Variants in MORF4L1 observed in about 807,000 individuals in gnomAD.
MORF4L1 encodes mortality factor 4-like protein 1.
In MORF4L1, 4 loss-of-function variants were observed where a neutral mutation model predicts 52.9. The observed-to-expected ratio is 0.08, with a 90% confidence interval of 0.04 to 0.17. The LOEUF is 0.17. MORF4L1 is among the 10% of genes least tolerant of loss of function. The pLI is 1.00. For missense variants in MORF4L1, 214 were observed against 390.4 expected, an observed-to-expected ratio of 0.55 and a Z score of 3.81; for synonymous variants, 123 against 134.8, an observed-to-expected ratio of 0.91 and a Z score of 0.61.
intron 8 of MORF4L1, 53 bp downstream of exon 8, chr15:78,892,366 C>G (rs1555440669): frequency 8.2e-6 from 11 of 1,336,654 alleles, no homozygotes; most frequent in African/African-American, 1.5e-5. Flanking sequence ...TTCTTGCTAG[C>G]AAAAAAAGTT....
At chr15:78,890,869 TACC>T in intron 5 of MORF4L1, 117 bp from the exon 6 acceptor site, 2 of 977,162 alleles carry the variant, frequency 2.0e-6, no homozygotes, top group Non-Finnish European at 2.8e-6. Context: ...GACACATATT[TACC>T]ACCTGATCCT....
At chr15:78,884,984 G>T in intron 3 of MORF4L1, 2 of 1,613,974 alleles carry the variant, frequency 1.2e-6, no homozygotes, top group Non-Finnish European at 1.7e-6. Flanking sequence ...GTGAGGCCCA[G>T]GCGCTCTGAA....
At chr15:78,891,780 T>G in intron 7 of MORF4L1, 1 of 526,384 alleles carries the variant, frequency 1.9e-6, no homozygotes, top group Non-Finnish European at 3.4e-6. Flanking sequence ...ATTGATCATT[T>G]GTTGTGTAAG....
intron 5 of MORF4L1, 26 bp from the exon 6 acceptor site, chr15:78,890,962 AT>A: frequency 1.4e-6 from 2 of 1,433,522 alleles, no homozygotes; most frequent in Non-Finnish European, 9.3e-7. Context: ...GGAAATAATT[AT>A]TTTTCTTTTT....
chr15:78,894,770 A>G, intron 10 of MORF4L1, 50 bp from the exon 11 acceptor site: 1 of 1,327,160 alleles, frequency 7.5e-7, no homozygotes. Context: ...ACATGGTTGT[A>G]GTGCCCCTGC....
chr15:78,873,150 G>C (rs751770539), intron 1 of MORF4L1, 93 bp downstream of exon 1: 14 of 1,541,580 alleles, frequency 9.1e-6, no homozygotes, highest in African/African-American at 1.4e-5. Flanking sequence ...GGGGCGGCGC[G>C]GGCTGCGCCC....
intron 11 of MORF4L1, 98 bp from the exon 12 acceptor site, chr15:78,896,885 A>G (rs574632676): frequency 4.1e-5 from 35 of 850,756 alleles, no homozygotes; most frequent in South Asian, 4.1e-4. Context: ...GTATTTTAGG[A>G]AAGTGTTTTC....
In MORF4L1 at chr15:78,880,535, C is replaced by G; in HGVS notation, c.111C>G (p.Asp37Glu). 1.9e-6 allele frequency: 3 copies of G among 1,599,834 alleles called. No homozygotes were observed. Among genetic ancestry groups the G allele is most frequent in the Non-Finnish European group, 2.6e-6 (3 of 1,173,826 alleles). ...AGTGTGTAAAGGTTGCCATAAAGGA[C>G]AAACAAGTGAAATACTTCATACATT... ...EAKCVKVAIK[D>E]KQVKYFIHYS... is the part of the protein sequence containing the mutation. Residue 37 changes from aspartate (D) to glutamate (E), a missense_variant, in exon 3 of 12, where the codon GAC (aspartate) becomes GAG (glutamate). By Grantham distance (45) the Asp-to-Glu change is conservative (BLOSUM62 2). Coordinates refer to ENST00000426013, the MANE Select transcript of MORF4L1 (RefSeq NM_006791.4).
At chr15:78,883,074 G>T (rs2141467138) in intron 3 of MORF4L1, among the ~76,000 whole-genome samples, 1 of 152,150 alleles carries the variant, frequency 6.6e-6, no homozygotes, top group Admixed American at 6.6e-5. Flanking sequence ...AATTAGCCAG[G>T]TGTGGTGGCA....
Position 78,893,914 on chromosome 15 carries a change from C to T in MORF4L1, c.630-144C>T, listed in dbSNP as rs898949920. The T allele has an allele frequency of 1.2e-5, 9 of 749,716 alleles. No individual in the cohort carries two copies. In the Admixed American group the frequency reaches 1.2e-4, roughly 10 times the overall value. 46.4% of individuals were successfully genotyped at this position (749,716 alleles called of 1,614,324 possible). On this transcript the variant is annotated intron_variant, in intron 9 of 11. Coordinates refer to ENST00000426013, the MANE Select transcript of MORF4L1 (RefSeq NM_006791.4). ...TCTTAATTGCTTTAGTTTGTCAAACCCTGCTTTCATATGCCCTTTAAAAAA... is the reference window on the plus strand; with the variant it reads ...TCTTAATTGCTTTAGTTTGTCAAACTCTGCTTTCATATGCCCTTTAAAAAA...
In MORF4L1 at chr15:78,885,048, A is replaced by G. The variant is rs1193033448; in HGVS notation, c.156-1093A>G. On this transcript the variant is annotated intron_variant, in intron 3 of 11. Coordinates refer to ENST00000426013, the MANE Select transcript of MORF4L1 (RefSeq NM_006791.4). ...TAGCCCTTTTTCCTGTTCCTGAAGG[A>G]GCTCCCTCAGTACACCACCCCCTCC... The G allele has an allele frequency of 2.5e-6, 4 of 1,613,910 alleles. No homozygotes were observed. The African/African-American group carries it at 5.3e-5, about 22-fold the overall frequency.
chr15:78,873,228 T>C (rs1173298860), intron 1 of MORF4L1, 171 bp downstream of exon 1: 1 of 1,511,914 alleles, frequency 6.6e-7, no homozygotes, highest in African/African-American at 1.4e-5. Context: ...GGTGCGTCAT[T>C]GTGAGAAAGC....
chr15:78,897,308 C>A lies in MORF4L1; in HGVS notation c.*241C>A, dbSNP rs1038336020. ...CAATGATGGACAACAGAGGGATATG[C>A]TGTAGAGTGTTTTATTGCCTAGTTG... On this transcript the variant is annotated 3_prime_UTR_variant, in exon 12 of 12. Coordinates refer to ENST00000426013, the MANE Select transcript of MORF4L1 (RefSeq NM_006791.4). 8.5e-6 allele frequency: 3 copies of A among 351,996 alleles called. No individual in the cohort carries two copies. The highest frequency in any genetic ancestry group is 1.6e-5 in the Non-Finnish European group (3 of 182,614). The allele number at this position is 351,996 out of a possible 1,614,324, so 21.8% of individuals were successfully genotyped here. A position where few individuals can be genotyped will look rare whatever the true frequency, so the allele number is the denominator to read the frequency against.
intron 1 of MORF4L1, chr15:78,873,309 C>G (rs1038894312): frequency 1.7e-6 from 2 of 1,204,710 alleles, no homozygotes; most frequent in Non-Finnish European, 2.2e-6. Context: ...GGCACACCCT[C>G]GTCAAGTGTT....
At chr15:78,884,949 C>G in intron 3 of MORF4L1, 2 of 1,587,704 alleles carry the variant, frequency 1.3e-6, no homozygotes, top group East Asian at 2.2e-5. Context: ...TTACTTTGTA[C>G]TATGCTGTCT....
rs1020067721 is a variant in MORF4L1, at chr15:78,878,336, A to G, written c.87+77A>G. 13 of 1,352,730 alleles carry G rather than the reference A, an allele frequency of 9.6e-6. No individual in the cohort carries two copies. In the East Asian group the frequency reaches 2.3e-4, roughly 24 times the overall value. The allele number at this position is 1,352,730 out of a possible 1,614,324, so 83.8% of individuals were successfully genotyped here. ...TGGCCATTTAATATACAAGTACAGT[A>G]TTTTGTTGTTGCCTCAGTAAGAGAG... is the stretch of plus-strand genomic sequence containing the variant. On this transcript the variant is annotated intron_variant, in intron 2 of 11. Transcript: ENST00000426013.
chr15:78,875,326 T>G (rs2056464412), intron 1 of MORF4L1, among the ~76,000 whole-genome samples: 1 of 152,166 alleles, frequency 6.6e-6, no homozygotes, highest in African/African-American at 2.4e-5. Flanking sequence ...CTTGTGCCGT[T>G]TTAAGTGGGG....
At chr15:78,893,216 C>A (rs1038989520) in intron 8 of MORF4L1, among the ~76,000 whole-genome samples, 3 of 152,170 alleles carry the variant, frequency 2.0e-5, no homozygotes, top group African/African-American at 7.2e-5. Context: ...GTGTGTGTGA[C>A]AGATTGACAT....
At chr15:78,893,502 A>T in intron 8 of MORF4L1, 37 bp from the exon 9 acceptor site, 1 of 1,375,208 alleles carries the variant, frequency 7.3e-7, no homozygotes, top group Non-Finnish European at 1.0e-6. Flanking sequence ...TTTAAAAAAG[A>T]GAGTGCTTAT....
Sources: allele counts gnomAD v4.1 joint callset (sites outside exome capture counted in the v4.1 genomes callset), GRCh38; gene constraint gnomAD v4.1.1; transcripts MANE v1.5; gene names NCBI Gene and HGNC (gene_info 2026-07-23, HGNC 2026-07-21).